The following MSTO1 variants were observed in gnomAD, a reference collection of about 807,000 sequenced individuals.
MSTO1 encodes misato mitochondrial distribution and morphology regulator 1, also known as protein misato homolog 1.
MSTO1 carries 24 observed loss-of-function variants against 55.7 expected under a neutral mutation model. That is an observed-to-expected ratio of 0.43 (90% CI 0.31 to 0.61). The LOEUF (loss-of-function observed/expected upper bound fraction) is 0.61, where lower values mean the gene tolerates loss of function less well. MSTO1 is among the 20% of genes least tolerant of loss of function. MSTO1 has a pLI of 0.09. For missense variants in MSTO1, 363 were observed against 625.7 expected (o/e 0.58, Z 4.48); for synonymous variants, 162 against 252.8 (o/e 0.64, Z 3.41).
the MSTO1 span, among the ~76,000 whole-genome samples, chr1:155,573,575 C>T: frequency 5.9e-5 from 9 of 151,956 alleles, no homozygotes; most frequent in African/African-American, 2.2e-4. Context: ...CAGTGGCTCA[C>T]GCCTGTAATC....
At chr1:155,577,015 CAAAAAAAAAAA>C in the MSTO1 span, among the ~76,000 whole-genome samples, 16 of 34,662 alleles carry the variant, frequency 4.6e-4, no homozygotes, top group African/African-American at 1.6e-3. Flanking sequence ...AACTCCGTCT[CAAAAAAAAAAA>C]AAAAAAAAAA....
At chr1:155,575,884 G>A in the MSTO1 span, among the ~76,000 whole-genome samples, 70 of 151,064 alleles carry the variant, frequency 4.6e-4, no homozygotes, top group African/African-American at 1.6e-3. Flanking sequence ...GTGCAATGGC[G>A]TGATCTCGGC....
the MSTO1 span, among the ~76,000 whole-genome samples, chr1:155,593,023 T>C: frequency 6.6e-6 from 1 of 152,190 alleles, no homozygotes; most frequent in East Asian, 1.9e-4. Context: ...GCAATTCTTC[T>C]GCCTCAGGCT....
the MSTO1 span, among the ~76,000 whole-genome samples, chr1:155,564,358 G>A: frequency 6.6e-6 from 1 of 152,202 alleles, no homozygotes; most frequent in African/African-American, 2.4e-5. Flanking sequence ...GCCAGGCGTG[G>A]TGGTGGACGC....
chr1:155,570,333 C>G, the MSTO1 span, among the ~76,000 whole-genome samples: 1 of 152,152 alleles, frequency 6.6e-6, no homozygotes, highest in Non-Finnish European at 1.5e-5. Flanking sequence ...TTCTGAGTAA[C>G]GTGATGAAAT....
chr1:155,577,908 G>A, the MSTO1 span, among the ~76,000 whole-genome samples: 1 of 152,122 alleles, frequency 6.6e-6, no homozygotes, highest in Non-Finnish European at 1.5e-5. Flanking sequence ...ACTACACCCA[G>A]CTAATTTTGT....
chr1:155,610,107 A>G (rs988405761), upstream of MSTO1: 6 of 796,062 alleles, frequency 7.5e-6, no homozygotes, highest in Admixed American at 1.1e-4. Flanking sequence ...GGATCGGCGC[A>G]TCGTTTCTCC....
At chr1:155,594,398 A>G in the MSTO1 span, among the ~76,000 whole-genome samples, 1 of 152,074 alleles carries the variant, frequency 6.6e-6, no homozygotes, top group Non-Finnish European at 1.5e-5. Context: ...GAGACTCTCA[A>G]AAAGAAAATT....
the MSTO1 span, among the ~76,000 whole-genome samples, chr1:155,564,964 AC>A: frequency 6.6e-6 from 1 of 151,966 alleles, no homozygotes; most frequent in African/African-American, 2.4e-5. Flanking sequence ...TACTAATAAT[AC>A]AAAAAATTAG....
At chr1:155,593,967 T>TA in the MSTO1 span, among the ~76,000 whole-genome samples, 2,930 of 138,648 alleles carry the variant, frequency 0.021, 97 homozygotes, top group African/African-American at 0.072. Flanking sequence ...AGACTCCGTC[T>TA]AAAAAAAAAA....
the MSTO1 span, among the ~76,000 whole-genome samples, chr1:155,597,105 T>C: frequency 6.0e-5 from 9 of 149,286 alleles, no homozygotes; most frequent in Admixed American, 4.0e-4. Flanking sequence ...AGACCCTGCC[T>C]CAAAAATACA....
chr1:155,595,410 C>T, the MSTO1 span, among the ~76,000 whole-genome samples: 1 of 151,724 alleles, frequency 6.6e-6, no homozygotes, highest in Non-Finnish European at 1.5e-5. Context: ...GATCTCCTGA[C>T]CTCGTGATCT....
At chr1:155,583,223 T>G in the MSTO1 span, among the ~76,000 whole-genome samples, 1 of 120,422 alleles carries the variant, frequency 8.3e-6, no homozygotes, top group African/African-American at 4.2e-5. Context: ...AAGGTATATC[T>G]TTTTTTTTTT....
chr1:155,572,591 A>G, the MSTO1 span, among the ~76,000 whole-genome samples: 1 of 152,054 alleles, frequency 6.6e-6, no homozygotes, highest in East Asian at 1.9e-4. Flanking sequence ...GGGCACCTGT[A>G]ATCCCAAGCT....
chr1:155,603,630 G>A, the MSTO1 span, among the ~76,000 whole-genome samples: 2 of 152,060 alleles, frequency 1.3e-5, no homozygotes, highest in African/African-American at 4.8e-5. Context: ...GGCCAAGGCA[G>A]GTGGATCACC....
At chr1:155,601,321 G>C in the MSTO1 span, among the ~76,000 whole-genome samples, 2 of 151,412 alleles carry the variant, frequency 1.3e-5, no homozygotes, top group Non-Finnish European at 2.9e-5. Context: ...ATTTTTAGTA[G>C]AGACGGGGTT....
chr1:155,609,623 A>T (rs939218938), upstream of MSTO1, among the ~76,000 whole-genome samples: 1 of 152,208 alleles, frequency 6.6e-6, no homozygotes, highest in Non-Finnish European at 1.5e-5. Context: ...AATGAATTAT[A>T]GATATTTGCA....
At chr1:155,594,730 A>G in the MSTO1 span, among the ~76,000 whole-genome samples, 2 of 151,926 alleles carry the variant, frequency 1.3e-5, no homozygotes, top group Non-Finnish European at 2.9e-5. Context: ...GGACTACAGG[A>G]GTGGACCACC....
the MSTO1 span, among the ~76,000 whole-genome samples, chr1:155,565,295 C>CAAAAAA: frequency 1.9e-5 from 1 of 53,578 alleles, no homozygotes. Context: ...AACTCCTTCT[C>CAAAAAA]AAAAAAAAAA....
Sources: allele counts gnomAD v4.1 joint callset (sites outside exome capture counted in the v4.1 genomes callset), GRCh38; gene constraint gnomAD v4.1.1; transcripts MANE v1.5; gene names NCBI Gene and HGNC (gene_info 2026-07-23, HGNC 2026-07-21).